Variants in PRKG1 observed in about 807,000 individuals in gnomAD.
PRKG1 encodes cGMP-dependent protein kinase 1.
PRKG1 carries 35 observed loss-of-function variants against 88.1 expected under a neutral mutation model. The ratio of observed to expected loss-of-function variants is 0.40; its 90% CI spans 0.30 to 0.53. The LOEUF (loss-of-function observed/expected upper bound fraction) is 0.53, where lower values mean the gene tolerates loss of function less well. Ranked by LOEUF, PRKG1 falls within the 20% of genes least tolerant of loss-of-function variation. PRKG1 has a pLI of 0.59. For synonymous variants in PRKG1, 303 were observed against 292.5 expected, an observed-to-expected ratio of 1.04 and a Z score of -0.37; for missense variants, 540 against 839.8, an observed-to-expected ratio of 0.64 and a Z score of 4.41.
At chr10:52,140,141 A>T (rs995705248) in intron 8 of PRKG1, among the ~76,000 whole-genome samples, 2 of 152,226 alleles carry the variant, frequency 1.3e-5, no homozygotes, top group African/African-American at 4.8e-5. Context: ...TACCGAAAAT[A>T]AGCAGCTGAC....
At chr10:51,571,064 A>G (rs1837740234) in intron 3 of PRKG1, among the ~76,000 whole-genome samples, 1 of 152,004 alleles carries the variant, frequency 6.6e-6, no homozygotes, top group Admixed American at 6.6e-5. Context: ...TTCACCACTT[A>G]TCAGCATGTA....
Position 52,257,940 on chromosome 10 carries a change from T to G in PRKG1, c.1173+6274T>G, listed in dbSNP as rs548616989. Among the ~76,000 whole-genome samples the G allele has an allele frequency of 3.6e-4, 50 of 139,316 alleles. 13 individuals are homozygous for G. Among genetic ancestry groups the G allele is most frequent in the Non-Finnish European group, 7.3e-4 (45 of 61,738 alleles). 91.4% of individuals were successfully genotyped at this position (139,316 alleles called of 152,430 possible). A position where few individuals can be genotyped will look rare whatever the true frequency, so the allele number is the denominator to read the frequency against. The stretch of plus-strand genomic sequence containing the variant: ...ATGCAGAAATTACAAGTAGTAAAGC[T>G]TATCTCTACTTTGGTATATGCAAAT... On this transcript the variant is annotated intron_variant, in intron 10 of 17. Transcript: ENST00000373980.
intron 3 of PRKG1, among the ~76,000 whole-genome samples, chr10:51,638,454 A>G (rs1839713244): frequency 6.6e-6 from 1 of 152,214 alleles, no homozygotes; most frequent in Non-Finnish European, 1.5e-5. Flanking sequence ...TATTATAAAT[A>G]TTCAATATTT....
chr10:51,389,663 T>C (rs776659487), intron 2 of PRKG1, among the ~76,000 whole-genome samples: 2 of 152,110 alleles, frequency 1.3e-5, no homozygotes, highest in Non-Finnish European at 2.9e-5. Flanking sequence ...ATTGAGATAA[T>C]AATACTAGAT....
chr10:51,102,853 C>G (rs980018242), intron 1 of PRKG1, among the ~76,000 whole-genome samples: 21 of 152,022 alleles, frequency 1.4e-4, no homozygotes, highest in African/African-American at 3.6e-4. Context: ...TACACACACA[C>G]AGAGACAGAA....
At position 51,855,336 on chromosome 10, in the gene PRKG1, A is replaced by T. The variant is rs535189752; in HGVS notation, c.698+50646A>T. On this transcript the variant is annotated intron_variant, in intron 4 of 17. Coordinates refer to ENST00000373980, the MANE Select transcript of PRKG1 (RefSeq NM_006258.4). ...TGATTTTCTATTCTAGAGTAACTGG[A>T]GATCTTCTTGCTGGTGAAGGGTTGG... 7.3e-4 allele frequency among the ~76,000 whole-genome samples: 111 copies of T among 152,242 alleles called. 1 individual carries two copies. The highest frequency in any genetic ancestry group is 1.5e-3 in the Non-Finnish European group (99 of 68,002).
At chr10:52,076,074 A>C (rs933284500) in intron 7 of PRKG1, among the ~76,000 whole-genome samples, 2 of 152,248 alleles carry the variant, frequency 1.3e-5, no homozygotes, top group Non-Finnish European at 2.9e-5. Context: ...ATGATGTTGA[A>C]ACAATTGAAA....
chr10:51,761,813 G>A (rs1395051204), intron 3 of PRKG1, among the ~76,000 whole-genome samples: 1 of 152,122 alleles, frequency 6.6e-6, no homozygotes, highest in Non-Finnish European at 1.5e-5. Flanking sequence ...ATAAAGATAT[G>A]TGGCTTCTGT....
At chr10:51,511,221 G>GC (rs1461049248) in intron 3 of PRKG1, among the ~76,000 whole-genome samples, 1 of 152,046 alleles carries the variant, frequency 6.6e-6, no homozygotes, top group Non-Finnish European at 1.5e-5. Flanking sequence ...AAGGCTTGTT[G>GC]CGGGGGATCA....
chr10:51,726,330 T>G (rs1268110896), intron 3 of PRKG1, among the ~76,000 whole-genome samples: 1 of 152,244 alleles, frequency 6.6e-6, no homozygotes, highest in African/African-American at 2.4e-5. Context: ...TTGGCAAATT[T>G]GACTTTGCAA....
At chr10:51,835,045 C>G (rs909837580) in intron 4 of PRKG1, among the ~76,000 whole-genome samples, 1 of 152,136 alleles carries the variant, frequency 6.6e-6, no homozygotes, top group African/African-American at 2.4e-5. Context: ...ATTAACCAAA[C>G]GCACACACAT....
chr10:52,202,659 C>G (rs996142816), intron 9 of PRKG1, among the ~76,000 whole-genome samples: 12 of 144,992 alleles, frequency 8.3e-5, no homozygotes, highest in Non-Finnish European at 1.7e-4. Context: ...TCCACCTGGG[C>G]TTTTTTTTTT....
At chr10:51,072,342 A>C (rs1843844278), upstream of PRKG1, among the ~76,000 whole-genome samples, 1 of 152,194 alleles carries the variant, frequency 6.6e-6, no homozygotes, top group Non-Finnish European at 1.5e-5. Context: ...GAACCCCAAT[A>C]ATAGATCTAT....
chr10:51,788,475 C>G (rs909674107), intron 3 of PRKG1, among the ~76,000 whole-genome samples: 1 of 152,118 alleles, frequency 6.6e-6, no homozygotes, highest in Non-Finnish European at 1.5e-5. Flanking sequence ...TAGAGAGCTC[C>G]TTTTCCTGGT....
At chr10:51,748,351 G>A (rs1263047120) in intron 3 of PRKG1, among the ~76,000 whole-genome samples, 1 of 152,176 alleles carries the variant, frequency 6.6e-6, no homozygotes, top group Non-Finnish European at 1.5e-5. Context: ...CCTATGGGAA[G>A]AAAATATACT....
In PRKG1 at chr10:51,930,495, C is replaced by CTTT. The variant is rs3029977; in HGVS notation, c.762+22944_762+22946dup. Among the ~76,000 whole-genome samples, 491 of 104,406 alleles carry CTTT rather than the reference C, an allele frequency of 4.7e-3. 13 individuals are homozygous for CTTT. Among genetic ancestry groups the CTTT allele is most frequent in the Middle Eastern group, 0.014 (2 of 144 alleles). 68.5% of individuals were successfully genotyped at this position (104,406 alleles called of 152,430 possible). ...TTTTAAAAGAACCTTTTTTTTTCCT[C>CTTT]TTTTTTTTTTTTTTTTTTTTTGAGA... On this transcript the variant is annotated intron_variant, in intron 5 of 17. Coordinates refer to ENST00000373980, the MANE Select transcript of PRKG1 (RefSeq NM_006258.4).
intron 5 of PRKG1, among the ~76,000 whole-genome samples, chr10:52,021,395 C>A (rs1481280949): frequency 1.3e-5 from 2 of 152,148 alleles, no homozygotes; most frequent in Admixed American, 1.3e-4. Flanking sequence ...TAGTGCCAGG[C>A]ACATGCTGGA....
At chr10:51,036,251 T>C (rs1480396741) in intron 1 of PRKG1, among the ~76,000 whole-genome samples, 1 of 152,178 alleles carries the variant, frequency 6.6e-6, no homozygotes, top group Non-Finnish European at 1.5e-5. Flanking sequence ...CCCTATGTAT[T>C]TTTACCATTT....
chr10:51,660,277 T>TCACCACCGGCAGCAC (rs1363024805), intron 3 of PRKG1, among the ~76,000 whole-genome samples: 5 of 151,874 alleles, frequency 3.3e-5, no homozygotes, highest in Admixed American at 6.6e-5. Flanking sequence ...TATAAGACCA[T>TCACCACCGGCAGCAC]CACCACCGGC....
Sources: allele counts gnomAD v4.1 joint callset (sites outside exome capture counted in the v4.1 genomes callset), GRCh38; gene constraint gnomAD v4.1.1; transcripts MANE v1.5; gene names NCBI Gene and HGNC (gene_info 2026-07-23, HGNC 2026-07-21).